Variants in RERE observed in about 807,000 individuals in gnomAD.
RERE encodes the protein arginine-glutamic acid dipeptide repeats protein.
In RERE, 40 loss-of-function variants were observed where a neutral mutation model predicts 146.1. The observed-to-expected ratio is 0.27, with a 90% CI of 0.21 to 0.36. The LOEUF (loss-of-function observed/expected upper bound fraction) is 0.36. Ranked by LOEUF, RERE falls within the 10% of genes least tolerant of loss-of-function variation. The probability of loss-of-function intolerance (pLI) is 1.00; values close to 1 mark genes in which losing one functional copy is unlikely to be tolerated. For synonymous variants in RERE, 1,003 were observed against 866.0 expected, an observed-to-expected ratio of 1.16 and a Z score of -2.78; for missense variants, 1,933 against 2,138.7, an observed-to-expected ratio of 0.90 and a Z score of 1.90.
At chr1:8,785,354 A>G (rs995523374) in intron 1 of RERE, among the ~76,000 whole-genome samples, 15 of 152,212 alleles carry the variant, frequency 9.9e-5, no homozygotes, top group Admixed American at 5.2e-4. Flanking sequence ...CAATCACACC[A>G]AACACCAGAA....
intron 12 of RERE, among the ~76,000 whole-genome samples, chr1:8,408,951 T>A (rs188690084): frequency 2.0e-5 from 3 of 152,176 alleles, no homozygotes; most frequent in Non-Finnish European, 4.4e-5. Context: ...CCGCAATGAT[T>A]TGGGGGTAGG....
chr1:8,625,816 T>C (rs1646967414), intron 2 of RERE, among the ~76,000 whole-genome samples: 1 of 152,146 alleles, frequency 6.6e-6, no homozygotes, highest in African/African-American at 2.4e-5. Context: ...TCCTCACAAA[T>C]GAGTACATTC....
intron 12 of RERE, among the ~76,000 whole-genome samples, chr1:8,401,017 CAAAA>C (rs142269202): frequency 7.7e-5 from 5 of 65,128 alleles, no homozygotes; most frequent in Non-Finnish European, 1.2e-4. Flanking sequence ...GACTCTGTCT[CAAAA>C]AAAAAAAAAA....
chr1:8,764,380 G>T (rs1307645254), intron 1 of RERE, among the ~76,000 whole-genome samples: 7 of 151,908 alleles, frequency 4.6e-5, no homozygotes, highest in Non-Finnish European at 1.0e-4. Context: ...TACTGCTTCG[G>T]GTACTAACTC....
At position 8,715,621 on chromosome 1, in the gene RERE, C is replaced by A. The variant is rs574834874; in HGVS notation, c.-144-59180G>T. ...AAAGTAGAAGATATATAAAAGGTGA[C>A]GGGCTGGCAAGGAGGCTCACATCTG... On this transcript the variant is annotated intron_variant, in intron 1 of 22. Transcript: ENST00000400908. 2.6e-5 allele frequency among the ~76,000 whole-genome samples: 4 copies of A among 151,824 alleles called. No homozygotes were observed. The East Asian group carries it at 7.7e-4, about 29-fold the overall frequency.
chr1:8,366,059 G>A, intron 12 of RERE, 85 bp from the exon 13 acceptor site: 3 of 1,352,072 alleles, frequency 2.2e-6, no homozygotes, highest in Non-Finnish European at 2.0e-6. Flanking sequence ...TGGAAAGCTG[G>A]GTGTTTAACA....
At chr1:8,739,829 TTAA>T (rs1406211013) in intron 1 of RERE, among the ~76,000 whole-genome samples, 2 of 146,852 alleles carry the variant, frequency 1.4e-5, no homozygotes, top group African/African-American at 2.5e-5. Context: ...ATGATTAATG[TTAA>T]TAATACTGAT....
intron 1 of RERE, among the ~76,000 whole-genome samples, chr1:8,816,919 A>C (rs1641923503): frequency 6.6e-6 from 1 of 152,204 alleles, no homozygotes; most frequent in South Asian, 2.1e-4. Context: ...AAGAGCATGA[A>C]TAAGAGGCCA....
At chr1:8,573,251 G>A (rs980737753) in intron 4 of RERE, among the ~76,000 whole-genome samples, 7 of 152,138 alleles carry the variant, frequency 4.6e-5, no homozygotes, top group African/African-American at 1.7e-4. Flanking sequence ...GAAGCTGCCT[G>A]TGGAACCTGC....
At chr1:8,569,163 A>C (rs1301119661) in intron 4 of RERE, among the ~76,000 whole-genome samples, 1 of 152,158 alleles carries the variant, frequency 6.6e-6, no homozygotes, top group Non-Finnish European at 1.5e-5. Context: ...AGGAAGAAAA[A>C]AATAGCTATT....
At chr1:8,404,315 G>A (rs1463689663) in intron 12 of RERE, among the ~76,000 whole-genome samples, 1 of 152,234 alleles carries the variant, frequency 6.6e-6, no homozygotes, top group Non-Finnish European at 1.5e-5. Flanking sequence ...TACTCGGAGA[G>A]GCTGAGGCAG....
At chr1:8,659,245 G>A (rs956122195) in intron 1 of RERE, among the ~76,000 whole-genome samples, 2 of 152,128 alleles carry the variant, frequency 1.3e-5, no homozygotes, top group East Asian at 1.9e-4. Flanking sequence ...GAGCATGAAC[G>A]AGCCAATCAT....
At chr1:8,393,802 G>C (rs193081572) in intron 12 of RERE, among the ~76,000 whole-genome samples, 2 of 152,156 alleles carry the variant, frequency 1.3e-5, no homozygotes, top group East Asian at 3.9e-4. Context: ...CTAGTATCCA[G>C]GTAAAAGTAA....
intron 10 of RERE, among the ~76,000 whole-genome samples, chr1:8,473,022 C>T (rs1032622507): frequency 6.6e-6 from 1 of 152,188 alleles, no homozygotes; most frequent in East Asian, 1.9e-4. Context: ...AATCTGATAA[C>T]AAAACACTGA....
Position 8,359,377 on chromosome 1 carries a change from C to T in RERE, c.3618+387G>A, listed in dbSNP as rs533716025. ...ACAAAGGCAGGGCAGCTGGAGAGGC[C>T]CCTCGCAGCCTGCTTATCGCCTGAG... is the stretch of plus-strand genomic sequence containing the variant. On this transcript the variant is annotated intron_variant, in intron 19 of 22. Transcript: ENST00000400908. Among the ~76,000 whole-genome samples the T allele has an allele frequency of 1.5e-4, 23 of 152,326 alleles. No individual in the cohort carries two copies. In the East Asian group the frequency reaches 4.4e-3, roughly 29 times the overall value.
intron 4 of RERE, among the ~76,000 whole-genome samples, chr1:8,593,194 A>G (rs1257578597): frequency 6.6e-6 from 1 of 152,134 alleles, no homozygotes; most frequent in African/African-American, 2.4e-5. Context: ...CAGTAAACCA[A>G]AGTTGTTAGG....
At chr1:8,658,004 A>G (rs535422142) in intron 1 of RERE, among the ~76,000 whole-genome samples, 15 of 152,332 alleles carry the variant, frequency 9.8e-5, no homozygotes, top group Middle Eastern at 3.4e-3. Flanking sequence ...ACCCAACAAG[A>G]AAAGTCTTGA....
At position 8,460,520 on chromosome 1, in the gene RERE, CATGT is replaced by C. The variant is rs1341001115; in HGVS notation, c.1203+5401_1203+5404del. Among the ~76,000 whole-genome samples the C allele has an allele frequency of 3.3e-5, 5 of 152,088 alleles. No individual in the cohort carries two copies. The South Asian group carries it at 1.0e-3, about 32-fold the overall frequency. On this transcript the variant is annotated intron_variant, in intron 11 of 22. Transcript: ENST00000400908. The stretch of plus-strand genomic sequence containing the variant: ...AAATTTATGAGCTTGTAAATAAATC[CATGT>C]ACATGGCCAATTAAGGTTTATCACT...
intron 10 of RERE, among the ~76,000 whole-genome samples, chr1:8,479,072 C>G (rs942952593): frequency 3.3e-5 from 5 of 152,076 alleles, no homozygotes; most frequent in African/African-American, 4.8e-5. Flanking sequence ...TTCTCAATAT[C>G]AGAAACTCCA....
Sources: allele counts gnomAD v4.1 joint callset (sites outside exome capture counted in the v4.1 genomes callset), GRCh38; gene constraint gnomAD v4.1.1; transcripts MANE v1.5; gene names NCBI Gene and HGNC (gene_info 2026-07-23, HGNC 2026-07-21).